ADAM22: variants seen among roughly 807,000 people sequenced by gnomAD.
ADAM22 encodes the protein disintegrin and metalloproteinase domain-containing protein 22.
In ADAM22, 65 loss-of-function variants were observed where a neutral mutation model predicts 144.6. That is an observed-to-expected ratio of 0.45 (90% CI 0.37 to 0.55). The LOEUF (loss-of-function observed/expected upper bound fraction) is 0.55, where lower values mean the gene tolerates loss of function less well. Among genes scored for constraint, ADAM22 ranks in the 20% least tolerant of loss-of-function variants. The pLI, the probability that ADAM22 is intolerant of heterozygous loss-of-function variation, is 0.00. For missense variants in ADAM22, 974 were observed against 1,184.9 expected, an observed-to-expected ratio of 0.82 and a Z score of 2.61; for synonymous variants, 391 against 412.6, an observed-to-expected ratio of 0.95 and a Z score of 0.63.
At chr7:88,040,188 G>T (rs1429120237) in intron 3 of ADAM22, among the ~76,000 whole-genome samples, 1 of 151,826 alleles carries the variant, frequency 6.6e-6, no homozygotes, top group Non-Finnish European at 1.5e-5. Context: ...CTGAAGTACA[G>T]TGGTACAATC....
At chr7:87,942,235 T>G (rs1275180941) in intron 2 of ADAM22, among the ~76,000 whole-genome samples, 1 of 152,236 alleles carries the variant, frequency 6.6e-6, no homozygotes, top group Non-Finnish European at 1.5e-5. Flanking sequence ...AGTGTCACTA[T>G]ATATGTTATA....
chr7:88,075,210 C>T (rs940302171), intron 3 of ADAM22, among the ~76,000 whole-genome samples: 1 of 152,048 alleles, frequency 6.6e-6, no homozygotes, highest in African/African-American at 2.4e-5. Flanking sequence ...TGAAAACTAA[C>T]ATTTTGTCAG....
At chr7:88,043,912 A>T (rs1465862015) in intron 3 of ADAM22, among the ~76,000 whole-genome samples, 1 of 152,204 alleles carries the variant, frequency 6.6e-6, no homozygotes. Context: ...TTAAAAATAC[A>T]AGAGATCCTA....
chr7:87,981,919 T>C (rs968190575), intron 3 of ADAM22, among the ~76,000 whole-genome samples: 4 of 152,034 alleles, frequency 2.6e-5, no homozygotes, highest in African/African-American at 9.7e-5. Context: ...AATCTGTAAC[T>C]GAATGCCTTG....
intron 30 of ADAM22, among the ~76,000 whole-genome samples, chr7:88,187,171 A>C (rs1003109324): frequency 6.6e-6 from 1 of 152,236 alleles, no homozygotes; most frequent in Non-Finnish European, 1.5e-5. Context: ...ATGGGATTTT[A>C]CTTGGAGTAG....
intron 3 of ADAM22, among the ~76,000 whole-genome samples, chr7:88,053,598 AAGAAAG>A (rs1299136052): frequency 1.8e-5 from 1 of 56,816 alleles, no homozygotes; most frequent in Admixed American, 1.7e-4. Context: ...GAAGGAAAGA[AAGAAAG>A]AAAGAAAGAA....
At chr7:88,073,876 G>T (rs767868533) in intron 3 of ADAM22, among the ~76,000 whole-genome samples, 2 of 152,226 alleles carry the variant, frequency 1.3e-5, no homozygotes, top group South Asian at 2.1e-4. Context: ...CTAGTCAGTG[G>T]CTGTGGCTTG....
intron 14 of ADAM22, among the ~76,000 whole-genome samples, chr7:88,140,528 C>G (rs1011303417): frequency 7.9e-5 from 12 of 152,294 alleles, no homozygotes; most frequent in Admixed American, 4.6e-4. Context: ...AAACCTGGTT[C>G]CTTTGCCTGG....
intron 4 of ADAM22, among the ~76,000 whole-genome samples, chr7:88,086,679 AAT>A (rs1485308391): frequency 6.6e-6 from 1 of 152,226 alleles, no homozygotes; most frequent in Non-Finnish European, 1.5e-5. Flanking sequence ...AGCCTCAACT[AAT>A]CAGAATACCT....
intron 3 of ADAM22, among the ~76,000 whole-genome samples, chr7:88,049,676 C>T (rs923103452): frequency 2.0e-5 from 3 of 152,144 alleles, no homozygotes; most frequent in South Asian, 2.1e-4. Flanking sequence ...GGATTACAGA[C>T]GTGAGCAAGT....
intron 26 of ADAM22, 35 bp from the exon 27 acceptor site, chr7:88,178,900 T>C (rs765132881): frequency 1.4e-6 from 2 of 1,429,478 alleles, no homozygotes; most frequent in African/African-American, 2.9e-5. Flanking sequence ...GTGTGTGTCT[T>C]GTTTTCTGAC....
chr7:88,072,038 A>G (rs1452069102), intron 3 of ADAM22, among the ~76,000 whole-genome samples: 2 of 152,210 alleles, frequency 1.3e-5, no homozygotes, highest in African/African-American at 4.8e-5. Context: ...ACTTGATGAT[A>G]GTAAAGATTT....
chr7:87,947,947 G>A (rs1206919715), intron 2 of ADAM22, among the ~76,000 whole-genome samples: 1 of 152,082 alleles, frequency 6.6e-6, no homozygotes, highest in Non-Finnish European at 1.5e-5. Flanking sequence ...TGAAATTGTT[G>A]ATGCCATGAC....
chr7:88,008,552 A>G (rs976134806), intron 3 of ADAM22, among the ~76,000 whole-genome samples: 1 of 152,164 alleles, frequency 6.6e-6, no homozygotes, highest in African/African-American at 2.4e-5. Flanking sequence ...CATATACATC[A>G]TGGAATACTA....
chr7:87,984,927 C>A (rs1292413364), intron 3 of ADAM22, among the ~76,000 whole-genome samples: 1 of 152,068 alleles, frequency 6.6e-6, no homozygotes, highest in African/African-American at 2.4e-5. Flanking sequence ...CTGCCTCAGT[C>A]TCCCAAAATG....
At chr7:88,073,448 C>T (rs945875486) in intron 3 of ADAM22, among the ~76,000 whole-genome samples, 26 of 152,300 alleles carry the variant, frequency 1.7e-4, no homozygotes, top group African/African-American at 4.8e-4. Context: ...TGAGCCACCA[C>T]GTGAGCCAAC....
chr7:88,129,359 A>C (rs544113042), intron 9 of ADAM22, among the ~76,000 whole-genome samples: 27 of 152,074 alleles, frequency 1.8e-4, no homozygotes, highest in Non-Finnish European at 3.7e-4. Flanking sequence ...ATTTTACTTA[A>C]GTTCAGGTAC....
chr7:88,056,627 A>G (rs1245344979), intron 3 of ADAM22, among the ~76,000 whole-genome samples: 1 of 152,176 alleles, frequency 6.6e-6, no homozygotes, highest in Non-Finnish European at 1.5e-5. Flanking sequence ...TGTGTCTGGC[A>G]TATAGACATT....
chr7:88,152,719 G>T (rs1838792272), intron 20 of ADAM22, among the ~76,000 whole-genome samples: 1 of 151,764 alleles, frequency 6.6e-6, no homozygotes, highest in Admixed American at 6.6e-5. Context: ...TTGCTTTGTT[G>T]CCAGGCTGGA....
Sources: allele counts gnomAD v4.1 joint callset (sites outside exome capture counted in the v4.1 genomes callset), GRCh38; gene constraint gnomAD v4.1.1; transcripts MANE v1.5; gene names NCBI Gene and HGNC (gene_info 2026-07-23, HGNC 2026-07-21).